The following MAMDC2 variants were observed in gnomAD, a reference collection of about 807,000 sequenced individuals.
The protein encoded by MAMDC2 is MAM domain-containing protein 2.
A neutral mutation model predicts 89.8 loss-of-function variants in MAMDC2; 57 were observed. That is an observed-to-expected ratio of 0.63 (90% CI 0.51 to 0.79). MAMDC2 has a LOEUF of 0.79. Ranked by LOEUF, MAMDC2 falls within the 30% of genes least tolerant of loss-of-function variation. The pLI is 0.00. For missense variants in MAMDC2, 800 were observed against 820.6 expected (o/e 0.97, Z 0.31); for synonymous variants, 313 against 293.4 (o/e 1.07, Z -0.68).
chr9:70,058,046 A>G lies in MAMDC2; in HGVS notation c.148+13349A>G, dbSNP rs141399020. 5.3e-5 allele frequency among the ~76,000 whole-genome samples: 8 copies of G among 152,330 alleles called. No homozygotes were observed. In the East Asian group the frequency reaches 1.5e-3, roughly 29 times the overall value. On this transcript the variant is annotated intron_variant, in intron 2 of 13. Transcript: ENST00000377182. ...TGCTAAAAATAAGCTCAAAGACCAAAGTGACATTTGCAAGCATTTGTAGAG... is the reference window on the plus strand; with the variant it reads ...TGCTAAAAATAAGCTCAAAGACCAAGGTGACATTTGCAAGCATTTGTAGAG...
intron 11 of MAMDC2, among the ~76,000 whole-genome samples, chr9:70,211,842 T>TAACA (rs2033360352): frequency 6.6e-6 from 1 of 152,204 alleles, no homozygotes; most frequent in African/African-American, 2.4e-5. Context: ...GTTTTCTTTC[T>TAACA]AACAGTCAGG....
chr9:70,190,039 G>T (rs1181907581), intron 11 of MAMDC2, among the ~76,000 whole-genome samples: 2 of 151,964 alleles, frequency 1.3e-5, no homozygotes, highest in African/African-American at 4.8e-5. Context: ...AAACATATTT[G>T]TAATAGTTGC....
chr9:70,053,116 C>T (rs1563932793), intron 2 of MAMDC2, among the ~76,000 whole-genome samples: 1 of 152,158 alleles, frequency 6.6e-6, no homozygotes, highest in Admixed American at 6.5e-5. Context: ...ATAGCACCCA[C>T]CTTGATGGTT....
chr9:70,204,627 G>A (rs2033179661), intron 11 of MAMDC2, among the ~76,000 whole-genome samples: 1 of 151,722 alleles, frequency 6.6e-6, no homozygotes, highest in South Asian at 2.1e-4. Context: ...AAGCAAGCCT[G>A]GGCAATGGCG....
In MAMDC2 at chr9:70,211,676, T is replaced by C. The variant is rs962739211; in HGVS notation, c.1652-6661T>C. On this transcript the variant is annotated intron_variant, in intron 11 of 13. Coordinates refer to ENST00000377182, the MANE Select transcript of MAMDC2 (RefSeq NM_153267.5). ...CTTTGTTCCGTTACTGATGAGGAGC[T>C]ACGTTCCTCTGGAATAGAAGAGGTG... Among the ~76,000 whole-genome samples the C allele has an allele frequency of 2.0e-5, 3 of 152,248 alleles. No individual in the cohort carries two copies. The South Asian group carries it at 6.2e-4, about 31-fold the overall frequency.
At chr9:70,071,023 C>A (rs1048067613) in intron 2 of MAMDC2, among the ~76,000 whole-genome samples, 2 of 152,062 alleles carry the variant, frequency 1.3e-5, no homozygotes, top group African/African-American at 4.8e-5. Context: ...TGCCAAATAT[C>A]CACCGTCCAG....
chr9:70,204,890 G>A (rs1200217233), intron 11 of MAMDC2, among the ~76,000 whole-genome samples: 1 of 152,236 alleles, frequency 6.6e-6, no homozygotes, highest in East Asian at 1.9e-4. Flanking sequence ...TCCCAGGTGA[G>A]GCAATGCCCC....
chr9:70,096,393 T>C (rs1207650682), intron 2 of MAMDC2, among the ~76,000 whole-genome samples: 1 of 152,180 alleles, frequency 6.6e-6, no homozygotes, highest in African/African-American at 2.4e-5. Context: ...CCTCCTGTTC[T>C]TAAAGTGGCC....
chr9:70,218,221 T>C, intron 11 of MAMDC2, 116 bp from the exon 12 acceptor site: 1 of 1,158,526 alleles, frequency 8.6e-7, no homozygotes, highest in Non-Finnish European at 1.2e-6. Flanking sequence ...TATAAAACCC[T>C]TTATCAGTAC....
intron 10 of MAMDC2, 119 bp from the exon 11 acceptor site, chr9:70,170,360 C>A: frequency 8.6e-7 from 1 of 1,164,810 alleles, no homozygotes; most frequent in Non-Finnish European, 1.2e-6. Context: ...CCAGTGGGGG[C>A]TGCCTCTCCA....
chr9:70,112,559 C>T (rs575792561), intron 4 of MAMDC2, among the ~76,000 whole-genome samples: 15 of 152,240 alleles, frequency 9.9e-5, no homozygotes, highest in African/African-American at 3.1e-4. Flanking sequence ...TCTAGAGCTA[C>T]GAGCATAACC....
intron 2 of MAMDC2, among the ~76,000 whole-genome samples, chr9:70,046,307 C>T (rs1826750322): frequency 6.6e-6 from 1 of 152,230 alleles, no homozygotes; most frequent in East Asian, 1.9e-4. Flanking sequence ...TACACACACA[C>T]ACAACCTGTG....
chr9:70,083,812 G>A (rs918327122), intron 2 of MAMDC2: 3 of 151,276 alleles, frequency 2.0e-5, no homozygotes, highest in African/African-American at 7.3e-5. Flanking sequence ...ACATATTAAT[G>A]TGGGTTCAAT....
chr9:70,102,602 C>A (rs1312323030), intron 2 of MAMDC2, among the ~76,000 whole-genome samples: 1 of 152,132 alleles, frequency 6.6e-6, no homozygotes, highest in Admixed American at 6.5e-5. Flanking sequence ...TTTCTGATGC[C>A]TGCATGTGAC....
At chr9:70,066,452 C>G (rs999716633) in intron 2 of MAMDC2, among the ~76,000 whole-genome samples, 1 of 152,130 alleles carries the variant, frequency 6.6e-6, no homozygotes, top group African/African-American at 2.4e-5. Context: ...AAGGTCACGT[C>G]TCTTTTCCTT....
intron 2 of MAMDC2, among the ~76,000 whole-genome samples, chr9:70,072,045 G>A (rs1037337324): frequency 3.9e-5 from 6 of 152,064 alleles, no homozygotes; most frequent in South Asian, 2.1e-4. Context: ...AAACCTTATC[G>A]AGTTTATTAA....
intron 2 of MAMDC2, among the ~76,000 whole-genome samples, chr9:70,052,865 G>A (rs906920457): frequency 6.6e-6 from 1 of 152,212 alleles, no homozygotes; most frequent in African/African-American, 2.4e-5. Context: ...CAGTATTACA[G>A]CTTGTCTCAC....
At chr9:70,170,668 G>T (rs758152923) in intron 11 of MAMDC2, 37 bp downstream of exon 11, 2 of 1,529,818 alleles carry the variant, frequency 1.3e-6, no homozygotes, top group South Asian at 2.6e-5. Context: ...CCTAAGGAAA[G>T]CTTCTAAAAT....
At chr9:70,188,084 A>G (rs2032796522) in intron 11 of MAMDC2, among the ~76,000 whole-genome samples, 1 of 152,154 alleles carries the variant, frequency 6.6e-6, no homozygotes, top group African/African-American at 2.4e-5. Flanking sequence ...CCCAAGTGGG[A>G]GGTGGCATCT....
Sources: allele counts gnomAD v4.1 joint callset (sites outside exome capture counted in the v4.1 genomes callset), GRCh38; gene constraint gnomAD v4.1.1; transcripts MANE v1.5; gene names NCBI Gene and HGNC (gene_info 2026-07-23, HGNC 2026-07-21).